WDPCP: variants seen among roughly 807,000 people sequenced by gnomAD.
The protein encoded by WDPCP is WD repeat containing planar cell polarity effector, also known as WD repeat-containing and planar cell polarity effector protein fritz homolog.
A neutral mutation model predicts 93.1 loss-of-function variants in WDPCP; 71 were observed. The observed-to-expected ratio is 0.76, with a 90% CI of 0.63 to 0.93. The LOEUF (loss-of-function observed/expected upper bound fraction) is 0.93, where lower values mean the gene tolerates loss of function less well. Among genes scored for constraint, WDPCP ranks in the 40% least tolerant of loss-of-function variants. The pLI is 0.00. For synonymous variants in WDPCP, 315 were observed against 315.0 expected (o/e 1.00, Z 0.00); for missense variants, 844 against 887.4 (o/e 0.95, Z 0.62).
chr2:63,575,458 A>ACTGTATACACT (rs1491223173), intron 1 of WDPCP, among the ~76,000 whole-genome samples: 2 of 37,744 alleles, frequency 5.3e-5, no homozygotes, highest in Non-Finnish European at 8.7e-5. Flanking sequence ...CTGTATATAC[A>ACTGTATACACT]GTATATATGC....
At chr2:63,142,855 CAT>C (rs1325820442) in intron 17 of WDPCP, among the ~76,000 whole-genome samples, 1 of 146,310 alleles carries the variant, frequency 6.8e-6, no homozygotes, top group Non-Finnish European at 1.5e-5. Flanking sequence ...TGTGTACACA[CAT>C]ATATATACAC....
rs1709030399 is a variant in WDPCP at position 63,588,384 on chromosome 2, G to GT, written c.-114dup. The GT allele has an allele frequency of 1.6e-6, 2 of 1,231,184 alleles. No individual in the cohort carries two copies. Among genetic ancestry groups the GT allele is most frequent in the Non-Finnish European group, 2.3e-6 (2 of 855,194 alleles). The allele number at this position is 1,231,184 out of a possible 1,614,324, so 76.3% of individuals were successfully genotyped here. ...CCAGGACGCCGCCGCCGCCGCCACA[G>GT]TTTCCTCAGGTGCTACAAAGCAGCC... On this transcript the variant is annotated 5_prime_UTR_variant, in exon 1 of 18. Transcript: ENST00000272321.
chr2:63,179,759 C>T (rs1674094968), intron 14 of WDPCP, among the ~76,000 whole-genome samples: 1 of 151,980 alleles, frequency 6.6e-6, no homozygotes, highest in African/African-American at 2.4e-5. Context: ...CTTCTTTGAC[C>T]TGTTGTTTAA....
At chr2:63,693,718 G>A (rs1213477929) in intron 2 of WDPCP, among the ~76,000 whole-genome samples, 2 of 152,166 alleles carry the variant, frequency 1.3e-5, no homozygotes, top group African/African-American at 2.4e-5. Flanking sequence ...GAATGCTAGA[G>A]ACTACAAGGG....
intron 16 of WDPCP, 110 bp from the exon 17 acceptor site, chr2:63,153,055 A>G (rs1559158513): frequency 2.3e-6 from 2 of 885,622 alleles, no homozygotes; most frequent in Non-Finnish European, 3.6e-6. Context: ...AACAAGTTAC[A>G]ATGCTGAGAA....
At chr2:63,705,493 T>C (rs1188637819) in intron 2 of WDPCP, among the ~76,000 whole-genome samples, 1 of 152,158 alleles carries the variant, frequency 6.6e-6, no homozygotes, top group Non-Finnish European at 1.5e-5. Flanking sequence ...TTCTGGTATG[T>C]TGTGTGTCTG....
At chr2:63,311,309 A>C (rs1260152214) in intron 13 of WDPCP, among the ~76,000 whole-genome samples, 2 of 152,176 alleles carry the variant, frequency 1.3e-5, no homozygotes, top group Non-Finnish European at 2.9e-5. Flanking sequence ...TTTTCAATCT[A>C]TAGGCTATAG....
At chr2:63,520,429 A>G (rs552961278) in intron 1 of WDPCP, among the ~76,000 whole-genome samples, 60 of 152,278 alleles carry the variant, frequency 3.9e-4, no homozygotes, top group Non-Finnish European at 7.2e-4. Context: ...CCAAAGACAA[A>G]TAGTCATCAG....
intron 12 of WDPCP, among the ~76,000 whole-genome samples, chr2:63,313,874 A>ATGTGTGTG (rs766720950): frequency 0.32 from 7,272 of 22,448 alleles, 520 homozygotes; most frequent in East Asian, 0.48. Context: ...ATATATATAT[A>ATGTGTGTG]TATATATATA....
At chr2:63,804,202 C>T (rs1458351892) in intron 2 of WDPCP, among the ~76,000 whole-genome samples, 2 of 151,590 alleles carry the variant, frequency 1.3e-5, no homozygotes, top group Non-Finnish European at 2.9e-5. Context: ...AGTTCCTTTC[C>T]TAGGCTTTTT....
chr2:63,398,464 C>G (rs780719123), intron 10 of WDPCP, among the ~76,000 whole-genome samples: 6 of 152,118 alleles, frequency 3.9e-5, no homozygotes, highest in Non-Finnish European at 8.8e-5. Flanking sequence ...AAGACATAAT[C>G]TTTGAATTAT....
At chr2:63,144,884 G>C (rs1157310548) in intron 17 of WDPCP, among the ~76,000 whole-genome samples, 1 of 152,180 alleles carries the variant, frequency 6.6e-6, no homozygotes, top group Non-Finnish European at 1.5e-5. Context: ...ATTTGGGTAG[G>C]CTCTATCAGA....
At chr2:63,796,607 C>T (rs1670621211) in intron 2 of WDPCP, among the ~76,000 whole-genome samples, 2 of 152,194 alleles carry the variant, frequency 1.3e-5, no homozygotes, top group African/African-American at 4.8e-5. Flanking sequence ...CAGTGCTGCC[C>T]TGTCATAGTG....
chr2:63,354,540 G>A (rs763867415), intron 12 of WDPCP, among the ~76,000 whole-genome samples: 1 of 152,178 alleles, frequency 6.6e-6, no homozygotes, highest in South Asian at 2.1e-4. Context: ...CAATCATTAA[G>A]CAAGAGTCTA....
intron 2 of WDPCP, among the ~76,000 whole-genome samples, chr2:63,691,252 T>G (rs1015136795): frequency 1.3e-5 from 2 of 152,192 alleles, no homozygotes; most frequent in African/African-American, 4.8e-5. Flanking sequence ...GATGTTTGGA[T>G]AGGATACAAG....
chr2:63,643,747 C>T lies in WDPCP; in HGVS notation n.488+6912G>A, dbSNP rs950522985. ...GTGACCCTTGGTGTCATAGATCAGA[C>T]GGACATTCTCTCCAGTCTTGTCAAT... On this transcript the variant is annotated intron_variant and non_coding_transcript_variant, in intron 3 of 4. Coordinates refer to the WDPCP transcript ENST00000467687. 62 of 524,198 alleles carry T rather than the reference C, an allele frequency of 1.2e-4. 1 individual carries two copies. The highest frequency in any genetic ancestry group is 5.5e-4 in the Admixed American group (28 of 51,194). The allele number at this position is 524,198 out of a possible 1,614,324, so 32.5% of individuals were successfully genotyped here. A position where few individuals can be genotyped will look rare whatever the true frequency, so the allele number is the denominator to read the frequency against.
intron 2 of WDPCP, among the ~76,000 whole-genome samples, chr2:63,805,399 A>G (rs1354183339): frequency 2.0e-5 from 3 of 152,196 alleles, no homozygotes; most frequent in Non-Finnish European, 4.4e-5. Flanking sequence ...GAGCTAGCTA[A>G]TATTTCCTAA....
chr2:63,553,643 A>AG (rs1378524633), intron 1 of WDPCP, among the ~76,000 whole-genome samples: 1 of 151,986 alleles, frequency 6.6e-6, no homozygotes, highest in Non-Finnish European at 1.5e-5. Flanking sequence ...TAAAAAAAAA[A>AG]AAACTTTTTT....
intron 2 of WDPCP, among the ~76,000 whole-genome samples, chr2:63,765,358 G>A (rs1168496761): frequency 2.6e-5 from 4 of 152,132 alleles, no homozygotes; most frequent in Non-Finnish European, 5.9e-5. Flanking sequence ...TGAGGCCAGC[G>A]GGCTTAAGCA....
Sources: allele counts gnomAD v4.1 joint callset (sites outside exome capture counted in the v4.1 genomes callset), GRCh38; gene constraint gnomAD v4.1.1; transcripts MANE v1.5; gene names NCBI Gene and HGNC (gene_info 2026-07-23, HGNC 2026-07-21).